Variants in HECW2 observed in about 807,000 individuals in gnomAD.
HECW2 encodes the protein HECT, C2 and WW domain containing E3 ubiquitin protein ligase 2.
HECW2 carries 61 observed loss-of-function variants against 175.2 expected under a neutral mutation model. That is an observed-to-expected ratio of 0.35 (90% CI 0.28 to 0.43). The LOEUF is 0.43. Among genes scored for constraint, HECW2 ranks in the 20% least tolerant of loss-of-function variants. HECW2 has a pLI of 1.00. For missense variants in HECW2, 1,524 were observed against 2,000.5 expected (o/e 0.76, Z 4.54); for synonymous variants, 671 against 731.0 (o/e 0.92, Z 1.32).
Position 196,314,901 on chromosome 2 carries a change from C to T in HECW2, c.2434+2373G>A, listed in dbSNP as rs562279832. Among the ~76,000 whole-genome samples the T allele has an allele frequency of 1.7e-3, 263 of 152,036 alleles. 8 individuals are homozygous for T. The South Asian group carries it at 0.05, about 29-fold the overall frequency. On this transcript the variant is annotated intron_variant, in intron 10 of 28. Transcript: ENST00000644978. ...GTAGATGCCACAGCTGTAAGTCAGACGCATGACCAGAGGTGGTAGCAAAGT... is the reference window on the plus strand; with the variant it reads ...GTAGATGCCACAGCTGTAAGTCAGATGCATGACCAGAGGTGGTAGCAAAGT...
Position 196,198,815 on chromosome 2 carries a change from TAAGA to T in HECW2, c.*2458_*2461del, listed in dbSNP as rs1425425658. 4 of 152,176 alleles carry T rather than the reference TAAGA, an allele frequency of 2.6e-5. No individual in the cohort carries two copies. The highest frequency in any genetic ancestry group is 7.2e-5 in the African/African-American group (3 of 41,446). 9.4% of individuals were successfully genotyped at this position (152,176 alleles called of 1,614,324 possible). ...GTTATTACTGGCTGTTTTGTTTTAC[TAAGA>T]AAGAATAATAGATAAGTTAGCATGG... is the stretch of plus-strand genomic sequence containing the variant. On this transcript the variant is annotated 3_prime_UTR_variant, in exon 29 of 29. Coordinates refer to ENST00000644978, the MANE Select transcript of HECW2 (RefSeq NM_001348768.2).
chr2:196,364,693 T>C (rs1032313354), intron 2 of HECW2, among the ~76,000 whole-genome samples: 7 of 152,116 alleles, frequency 4.6e-5, no homozygotes. Context: ...GAGAACAAAA[T>C]AAACATAGCC....
intron 2 of HECW2, among the ~76,000 whole-genome samples, chr2:196,424,233 G>A (rs1695482486): frequency 6.6e-6 from 1 of 152,008 alleles, no homozygotes; most frequent in African/African-American, 2.4e-5. Flanking sequence ...AATATTGTGT[G>A]TGTTCTGACT....
chr2:196,487,709 T>C (rs1687056316), intron 1 of HECW2, among the ~76,000 whole-genome samples: 1 of 152,180 alleles, frequency 6.6e-6, no homozygotes, highest in South Asian at 2.1e-4. Flanking sequence ...GATTTAACCA[T>C]CTCAAAACTG....
chr2:196,212,892 A>G (rs920757878), intron 28 of HECW2, among the ~76,000 whole-genome samples: 3 of 152,228 alleles, frequency 2.0e-5, no homozygotes, highest in Non-Finnish European at 2.9e-5. Context: ...TTTAAATGTT[A>G]AACATCATTT....
intron 1 of HECW2, among the ~76,000 whole-genome samples, chr2:196,449,062 G>A (rs1387086403): frequency 2.6e-5 from 4 of 152,144 alleles, no homozygotes; most frequent in African/African-American, 9.7e-5. Flanking sequence ...GTGAGTGTCC[G>A]TGGCACCTGG....
At chr2:196,226,809 A>G (rs971283868) in intron 22 of HECW2, among the ~76,000 whole-genome samples, 1 of 152,212 alleles carries the variant, frequency 6.6e-6, no homozygotes, top group African/African-American at 2.4e-5. Flanking sequence ...CCATTCAAGA[A>G]TTGTGCACAT....
intron 13 of HECW2, among the ~76,000 whole-genome samples, chr2:196,300,979 G>A (rs1032418466): frequency 6.6e-6 from 1 of 151,910 alleles, no homozygotes; most frequent in Admixed American, 6.6e-5. Flanking sequence ...CTATCACCTA[G>A]GTATTAGGCC....
intron 1 of HECW2, among the ~76,000 whole-genome samples, chr2:196,453,969 T>G (rs1215954377): frequency 6.6e-6 from 1 of 151,816 alleles, no homozygotes; most frequent in Non-Finnish European, 1.5e-5. Context: ...ATAATAAGAG[T>G]TGGGGGAACA....
chr2:196,437,332 C>T (rs750229072), intron 1 of HECW2, among the ~76,000 whole-genome samples: 10 of 152,030 alleles, frequency 6.6e-5, no homozygotes, highest in Non-Finnish European at 1.2e-4. Flanking sequence ...CATGCACCAG[C>T]CGGGCGCAGT....
chr2:196,383,436 T>C (rs915092835), intron 2 of HECW2, among the ~76,000 whole-genome samples: 3 of 151,686 alleles, frequency 2.0e-5, no homozygotes, highest in Non-Finnish European at 4.4e-5. Flanking sequence ...AAGAGCAAAA[T>C]TAGGAGAAAA....
At chr2:196,409,886 C>T (rs933150048) in intron 2 of HECW2, among the ~76,000 whole-genome samples, 1 of 152,166 alleles carries the variant, frequency 6.6e-6, no homozygotes, top group African/African-American at 2.4e-5. Flanking sequence ...CAGTAAATCC[C>T]TTGAAGGGAG....
At chr2:196,250,030 A>G (rs4850687) in intron 19 of HECW2, among the ~76,000 whole-genome samples, 81,456 of 152,216 alleles carry the variant, frequency 0.54, 25,151 homozygotes, top group Non-Finnish European at 0.69. Context: ...GAGTGCTCAT[A>G]CAGTCTTGAA....
At chr2:196,280,575 A>T (rs987212793) in intron 14 of HECW2, among the ~76,000 whole-genome samples, 12 of 152,228 alleles carry the variant, frequency 7.9e-5, no homozygotes, top group Non-Finnish European at 1.5e-4. Context: ...ACAAAAAAAT[A>T]AAGGTTTTGT....
At chr2:196,209,025 C>T (rs1229950518) in intron 28 of HECW2, among the ~76,000 whole-genome samples, 8 of 152,162 alleles carry the variant, frequency 5.3e-5, no homozygotes, top group Non-Finnish European at 4.4e-5. Flanking sequence ...GGGATGGTGT[C>T]ATGGACTAGG....
chr2:196,523,790 G>A (rs1317280364), intron 1 of HECW2, among the ~76,000 whole-genome samples: 10 of 150,762 alleles, frequency 6.6e-5, no homozygotes, highest in South Asian at 4.2e-4. Flanking sequence ...ATTGATTTGC[G>A]TATATTGAAC....
chr2:196,445,636 T>C (rs147899407), intron 1 of HECW2, among the ~76,000 whole-genome samples: 3 of 152,352 alleles, frequency 2.0e-5, no homozygotes, highest in South Asian at 2.1e-4. Context: ...CTGCCTTCTG[T>C]ACTGTAATGT....
intron 1 of HECW2, among the ~76,000 whole-genome samples, chr2:196,453,611 A>C (rs182330259): frequency 6.6e-4 from 101 of 152,342 alleles, no homozygotes; most frequent in African/African-American, 2.4e-3. Context: ...GCAGCTTAAA[A>C]TATCATCTGC....
In HECW2 at chr2:196,200,080, A is replaced by G. The variant is rs1686807141; in HGVS notation, c.*1197T>C. 1 of 152,636 alleles carries G rather than the reference A, an allele frequency of 6.6e-6. No homozygotes were observed. The highest frequency in any genetic ancestry group is 1.5e-5 in the Non-Finnish European group (1 of 68,036). The allele number at this position is 152,636 out of a possible 1,614,324, so 9.5% of individuals were successfully genotyped here. A position where few individuals can be genotyped will look rare whatever the true frequency, so the allele number is the denominator to read the frequency against. On this transcript the variant is annotated 3_prime_UTR_variant, in exon 29 of 29. Coordinates refer to ENST00000644978, the MANE Select transcript of HECW2 (RefSeq NM_001348768.2). ...ATCTGTATTAAATGCCATCCTGTAA[A>G]GTATTTGATGGATGGAAGAGAGTCT... is the stretch of plus-strand genomic sequence containing the variant.
Sources: gnomAD v4.1 joint callset for allele counts (sites outside exome capture counted in the v4.1 genomes callset) on GRCh38, gnomAD v4.1.1 for gene constraint, MANE v1.5 for transcripts, NCBI Gene and HGNC (gene_info 2026-07-23, HGNC 2026-07-21) for gene names.